MAGI3: variants seen among roughly 807,000 people sequenced by gnomAD.
MAGI3 encodes the protein membrane associated guanylate kinase, WW and PDZ domain containing 3.
Under a neutral mutation model 121.8 loss-of-function variants are expected in MAGI3, and 43 were observed. That is an observed-to-expected ratio of 0.35 (90% CI 0.28 to 0.46). The LOEUF is 0.46. MAGI3 is among the 20% of genes least tolerant of loss of function. MAGI3 has a pLI of 1.00. For missense variants in MAGI3, 1,547 were observed against 1,797.3 expected (o/e 0.86, Z 2.52); for synonymous variants, 553 against 639.3 (o/e 0.86, Z 2.04).
intron 8 of MAGI3, among the ~76,000 whole-genome samples, chr1:113,621,197 C>T (rs1345760422): frequency 6.6e-6 from 1 of 152,112 alleles, no homozygotes; most frequent in East Asian, 1.9e-4. Flanking sequence ...ATCACAGAAG[C>T]ATGAAATGGT....
chr1:113,528,079 C>T (rs1255503273), intron 1 of MAGI3, among the ~76,000 whole-genome samples: 1 of 152,064 alleles, frequency 6.6e-6, no homozygotes, highest in Non-Finnish European at 1.5e-5. Context: ...CATATTATAC[C>T]TCACAACACC....
At chr1:113,437,096 G>T (rs1278940964) in intron 1 of MAGI3, among the ~76,000 whole-genome samples, 1 of 152,096 alleles carries the variant, frequency 6.6e-6, no homozygotes, top group Non-Finnish European at 1.5e-5. Context: ...TTACAGGCAT[G>T]AGCCACCGCA....
chr1:113,416,162 T>TA lies in MAGI3; in HGVS notation c.316+24814dup, dbSNP rs1553182632. 2.0e-3 allele frequency among the ~76,000 whole-genome samples: 94 copies of TA among 46,400 alleles called. 2 individuals carry two copies. The highest frequency in any genetic ancestry group is 2.8e-3 in the Non-Finnish European group (67 of 24,160). 30.4% of individuals were successfully genotyped at this position (46,400 alleles called of 152,430 possible). Reference sequence around the variant, plus strand: ...TAATTATGTAATTAATGACACATATTATTATGTAATTAATGACACATATTA... The same window carrying TA: ...TAATTATGTAATTAATGACACATATTAATTATGTAATTAATGACACATATTA... On this transcript the variant is annotated intron_variant, in intron 1 of 20. Coordinates refer to ENST00000307546, the MANE Select transcript of MAGI3 (RefSeq NM_001142782.2).
At chr1:113,550,509 A>G (rs1659734032) in intron 2 of MAGI3, among the ~76,000 whole-genome samples, 1 of 151,878 alleles carries the variant, frequency 6.6e-6, no homozygotes. Flanking sequence ...TAATCCCAGC[A>G]CTTTGGGAGG....
rs181529921 is a variant in MAGI3 at position 113,504,327 on chromosome 1, A to C, written c.317-45188A>C. Reference sequence around the variant, plus strand: ...ATTTGTAACAGAGATGCCAGATAACAAATTTGTATCTATAATATGGAAACA... The same window carrying C: ...ATTTGTAACAGAGATGCCAGATAACCAATTTGTATCTATAATATGGAAACA... On this transcript the variant is annotated intron_variant, in intron 1 of 20. Coordinates refer to ENST00000307546, the MANE Select transcript of MAGI3 (RefSeq NM_001142782.2). Among the ~76,000 whole-genome samples the C allele has an allele frequency of 1.2e-3, 182 of 152,282 alleles. 3 individuals carry two copies. The South Asian group carries it at 0.037, about 31-fold the overall frequency.
At chr1:113,631,838 C>G (rs1447363946) in intron 9 of MAGI3, among the ~76,000 whole-genome samples, 1 of 152,140 alleles carries the variant, frequency 6.6e-6, no homozygotes, top group Non-Finnish European at 1.5e-5. Flanking sequence ...CTATAGTTTC[C>G]TAAAGCCTTT....
intron 1 of MAGI3, 122 bp from the exon 2 acceptor site, chr1:113,549,389 TCTGA>T: frequency 2.0e-6 from 1 of 499,986 alleles, no homozygotes. Flanking sequence ...AGTAAAATTC[TCTGA>T]TTTCTTTATC....
At chr1:113,681,579 G>A (rs1464248227) in intron 20 of MAGI3, among the ~76,000 whole-genome samples, 1 of 152,140 alleles carries the variant, frequency 6.6e-6, no homozygotes, top group Non-Finnish European at 1.5e-5. Context: ...ACATATAGTT[G>A]TTTTTGTAGA....
At chr1:113,485,213 C>A (rs2101571420) in intron 1 of MAGI3, among the ~76,000 whole-genome samples, 1 of 152,316 alleles carries the variant, frequency 6.6e-6, no homozygotes, top group Middle Eastern at 3.4e-3. Flanking sequence ...GGTAGATCTA[C>A]TTTTAGTTCT....
chr1:113,577,618 G>T (rs1354474780), intron 2 of MAGI3, among the ~76,000 whole-genome samples: 1 of 151,966 alleles, frequency 6.6e-6, no homozygotes, highest in Non-Finnish European at 1.5e-5. Context: ...TTTGTGGGGG[G>T]AGTGAAAATT....
intron 20 of MAGI3, chr1:113,682,551 G>A (rs1648284995): frequency 4.9e-6 from 6 of 1,222,634 alleles, no homozygotes; most frequent in Admixed American, 8.0e-5. Flanking sequence ...AATAATTAGT[G>A]AGCTTCTTGG....
chr1:113,601,067 A>C (rs1364073827), intron 6 of MAGI3, among the ~76,000 whole-genome samples: 1 of 152,112 alleles, frequency 6.6e-6, no homozygotes, highest in African/African-American at 2.4e-5. Context: ...ACAAAAATTA[A>C]TTCAAGATGG....
chr1:113,587,588 A>G lies in MAGI3; in HGVS notation c.763+1992A>G, dbSNP rs143120453. ...GATAGGTAGAGGTTTATTTGTGCAC[A>G]CCAGTATGTTTATTATTTTATATCT... On this transcript the variant is annotated intron_variant, in intron 4 of 20. Coordinates refer to ENST00000307546, the MANE Select transcript of MAGI3 (RefSeq NM_001142782.2). 4.8e-3 allele frequency among the ~76,000 whole-genome samples: 738 copies of G among 152,326 alleles called. 30 individuals are homozygous for G. Among genetic ancestry groups the G allele is most frequent in the Admixed American group, 0.043 (659 of 15,296 alleles).
At chr1:113,467,344 A>C (rs1655339268) in intron 1 of MAGI3, among the ~76,000 whole-genome samples, 1 of 152,004 alleles carries the variant, frequency 6.6e-6, no homozygotes, top group Non-Finnish European at 1.5e-5. Context: ...ATTTGTTCAG[A>C]GTTGTTTTGT....
At chr1:113,557,240 C>T (rs991025599) in intron 2 of MAGI3, among the ~76,000 whole-genome samples, 1 of 152,160 alleles carries the variant, frequency 6.6e-6, no homozygotes, top group Admixed American at 6.6e-5. Context: ...GCAGGGACTC[C>T]CAGTTGGGCC....
chr1:113,653,414 A>T (rs1463754147), intron 14 of MAGI3, among the ~76,000 whole-genome samples: 1 of 152,102 alleles, frequency 6.6e-6, no homozygotes, highest in Non-Finnish European at 1.5e-5. Flanking sequence ...TCTTCTAAAA[A>T]TACAAAAATT....
chr1:113,569,242 A>T (rs936002336), intron 2 of MAGI3, among the ~76,000 whole-genome samples: 1 of 152,158 alleles, frequency 6.6e-6, no homozygotes, highest in Non-Finnish European at 1.5e-5. Context: ...ATACCTATAC[A>T]CTTCAATTTA....
intron 9 of MAGI3, among the ~76,000 whole-genome samples, chr1:113,641,118 GAGATATATATTATAT>G (rs1652501009): frequency 1.3e-5 from 1 of 79,064 alleles, no homozygotes; most frequent in Non-Finnish European, 2.7e-5. Context: ...AAATATATAT[GAGATATATATTATAT>G]ATATGATATA....
chr1:113,391,504 G>A lies in MAGI3; in HGVS notation c.316+155G>A, dbSNP rs1211614309. 6.6e-6 allele frequency among the ~76,000 whole-genome samples: 1 copy of A among 152,142 alleles called. No homozygotes were observed. Among genetic ancestry groups the A allele is most frequent in the Non-Finnish European group, 1.5e-5 (1 of 68,030 alleles). The stretch of plus-strand genomic sequence containing the variant: ...CTCCTTGACGAGGGGGAGGGGTGGC[G>A]TTGGTGAGTCCCATTTTGCCGAAGG... On this transcript the variant is annotated intron_variant, in intron 1 of 20. Transcript: ENST00000307546. The surrounding 1 kb of genome is among the most constrained non-coding windows in gnomAD (Gnocchi z 4.4).
Sources: gnomAD v4.1 joint callset for allele counts (sites outside exome capture counted in the v4.1 genomes callset) on GRCh38, gnomAD v4.1.1 for gene constraint, Gnocchi (gnomAD v3.1) non-coding constraint, MANE v1.5 for transcripts, NCBI Gene and HGNC (gene_info 2026-07-23, HGNC 2026-07-21) for gene names.